The following TRPM1 variants were observed in gnomAD, a reference collection of about 807,000 sequenced individuals.
TRPM1 encodes transient receptor potential cation channel subfamily M member 1.
Under a neutral mutation model 149.4 loss-of-function variants are expected in TRPM1, and 113 were observed. The ratio of observed to expected loss-of-function variants is 0.76; its 90% confidence interval spans 0.65 to 0.88. The LOEUF is 0.88. TRPM1 is among the 40% of genes least tolerant of loss of function. The pLI, the probability that TRPM1 is intolerant of heterozygous loss-of-function variation, is 0.00. For synonymous variants in TRPM1, 741 were observed against 759.5 expected, an observed-to-expected ratio of 0.98 and a Z score of 0.40; for missense variants, 1,976 against 2,038.7, an observed-to-expected ratio of 0.97 and a Z score of 0.59.
Position 31,070,011 on chromosome 15 carries a change from T to A in TRPM1, c.279+20A>T. The A allele has an allele frequency of 6.2e-7, 1 of 1,614,212 alleles. No individual in the cohort carries two copies. Among genetic ancestry groups the A allele is most frequent in the Non-Finnish European group, 8.5e-7 (1 of 1,180,030 alleles). ...GAAAGCTGTGATCCTAGTGGCACCA[T>A]GTCTGAATGCCTTTCTCACCATGGC... On this transcript the variant is annotated intron_variant, in intron 4 of 27. Coordinates refer to ENST00000256552, the MANE Select transcript of TRPM1 (RefSeq NM_001252024.2).
At chr15:31,148,901 G>A (rs1596103046) in intron 1 of TRPM1, among the ~76,000 whole-genome samples, 1 of 152,168 alleles carries the variant, frequency 6.6e-6, no homozygotes, top group African/African-American at 2.4e-5. Flanking sequence ...GGCAGCCAGG[G>A]TGGGCACCAG....
intron 1 of TRPM1, among the ~76,000 whole-genome samples, chr15:31,086,773 G>A (rs1266403055): frequency 6.6e-6 from 1 of 152,118 alleles, no homozygotes; most frequent in Non-Finnish European, 1.5e-5. Flanking sequence ...TGTTAAAAGT[G>A]TATATATCTG....
chr15:31,064,086 C>T (rs937687999), intron 7 of TRPM1, among the ~76,000 whole-genome samples: 1 of 152,218 alleles, frequency 6.6e-6, no homozygotes, highest in African/African-American at 2.4e-5. Flanking sequence ...CACCAAATCA[C>T]CAAGAGCCTT....
chr15:31,160,766 C>T (rs2036434128), intron 1 of TRPM1: 3 of 869,238 alleles, frequency 3.5e-6, no homozygotes, highest in East Asian at 2.7e-5. Flanking sequence ...GCTCTGAACA[C>T]CCCATGCCCC....
At chr15:31,135,004 GA>G (rs141294877) in intron 1 of TRPM1, among the ~76,000 whole-genome samples, 2,242 of 146,738 alleles carry the variant, frequency 0.015, 63 homozygotes, top group African/African-American at 0.053. Flanking sequence ...ATCTCAAAAG[GA>G]AAAAAAAAAG....
intron 3 of TRPM1, among the ~76,000 whole-genome samples, chr15:31,071,334 G>T (rs72712237): frequency 0.012 from 1,900 of 152,276 alleles, 20 homozygotes; most frequent in Non-Finnish European, 0.02. Flanking sequence ...TAGCAAATGG[G>T]GTGGGAGAGC....
chr15:31,026,558 T>C (rs997857230), intron 26 of TRPM1, among the ~76,000 whole-genome samples: 2 of 152,226 alleles, frequency 1.3e-5, no homozygotes, highest in Non-Finnish European at 2.9e-5. Context: ...CACTTATTTT[T>C]ATGAATAGAG....
intron 1 of TRPM1, among the ~76,000 whole-genome samples, chr15:31,150,678 C>T (rs1328568085): frequency 1.3e-5 from 2 of 152,116 alleles, no homozygotes; most frequent in Non-Finnish European, 2.9e-5. Flanking sequence ...TCGTGATCCA[C>T]CCGCCTCAGC....
At chr15:31,017,042 C>A (rs565733354) in intron 27 of TRPM1, among the ~76,000 whole-genome samples, 9 of 151,942 alleles carry the variant, frequency 5.9e-5, no homozygotes, top group Admixed American at 5.9e-4. Context: ...TGGTGGTTCA[C>A]GCCTGTAATC....
chr15:31,021,380 T>G (rs1451367196), intron 27 of TRPM1, among the ~76,000 whole-genome samples: 1 of 152,174 alleles, frequency 6.6e-6, no homozygotes. Context: ...AGCCACAAAT[T>G]GCTGATTTCC....
At chr15:31,105,435 C>CTG (rs10525947), upstream of TRPM1, among the ~76,000 whole-genome samples, 730 of 148,670 alleles carry the variant, frequency 4.9e-3, 3 homozygotes, top group South Asian at 8.6e-3. Context: ...CTGTGTGTCT[C>CTG]TGTGTGTGTG....
intron 1 of TRPM1, among the ~76,000 whole-genome samples, chr15:31,124,145 C>T (rs1424556019): frequency 3.3e-5 from 5 of 152,080 alleles, no homozygotes; most frequent in South Asian, 2.1e-4. Context: ...GTTAGCTGGG[C>T]GTGGTGGTGC....
intron 24 of TRPM1, 93 bp from the exon 25 acceptor site, chr15:31,028,569 T>G (rs2032904408): frequency 7.2e-7 from 1 of 1,396,104 alleles, no homozygotes; most frequent in East Asian, 2.5e-5. Context: ...TATTTCTTTT[T>G]TAATATGATT....
At chr15:31,089,223 C>T (rs905127316) in intron 1 of TRPM1, among the ~76,000 whole-genome samples, 3 of 152,142 alleles carry the variant, frequency 2.0e-5, no homozygotes, top group Non-Finnish European at 2.9e-5. Flanking sequence ...ATTCTCTGAC[C>T]ATGTGGCCAG....
rs79187036 is a variant in TRPM1, at chr15:31,063,073, G to C, written c.965+45C>G. 1.8e-3 allele frequency: 2,957 copies of C among 1,612,656 alleles called. 62 individuals are homozygous for C. In the African/African-American group the frequency reaches 0.035, roughly 19 times the overall value. On this transcript the variant is annotated intron_variant, in intron 8 of 27. Transcript: ENST00000256552. ...TAGATTTTCTCCTTGGCCCGACAAA[G>C]AGGGAGTTACGAACCCGCCCTTCCT...
At chr15:31,048,018 T>G (rs1481874741) in intron 13 of TRPM1, 79 bp from the exon 14 acceptor site, 1 of 1,240,142 alleles carries the variant, frequency 8.1e-7, no homozygotes, top group African/African-American at 1.5e-5. Flanking sequence ...GTCCCAGCAC[T>G]TTGGGAGGCC....
In TRPM1 at chr15:31,002,923, G is replaced by A. The variant is rs201195793; in HGVS notation, c.3777C>T (p.Ile1259=). The A allele has an allele frequency of 1.2e-4, 192 of 1,604,600 alleles. No homozygotes were observed. The highest frequency in any genetic ancestry group is 1.6e-4 in the Non-Finnish European group (187 of 1,174,096). ...MVNALENLAG[I]DRSDLIQARS... ...GTGCCTGGATCAGGTCAGACCTGTC[G>A]ATTCCCGCAAGATTTTCAAGAGCAT... Residue 1259 remains isoleucine (I), a synonymous_variant, in exon 28 of 28, where the codon ATC becomes ATT. Transcript: ENST00000256552.
chr15:31,134,440 G>A (rs780102117), intron 1 of TRPM1, among the ~76,000 whole-genome samples: 2 of 152,152 alleles, frequency 1.3e-5, no homozygotes, highest in Non-Finnish European at 2.9e-5. Flanking sequence ...TTTTGCAAGG[G>A]AAATTTAAAT....
intron 1 of TRPM1, among the ~76,000 whole-genome samples, chr15:31,088,883 A>T (rs986555551): frequency 6.6e-6 from 1 of 151,194 alleles, no homozygotes; most frequent in Non-Finnish European, 1.5e-5. Flanking sequence ...GGCCCCCCCG[A>T]GCGGGAGATC....
Sources: gnomAD v4.1 joint callset for allele counts (sites outside exome capture counted in the v4.1 genomes callset) on GRCh38, gnomAD v4.1.1 for gene constraint, MANE v1.5 for transcripts, NCBI Gene and HGNC (gene_info 2026-07-23, HGNC 2026-07-21) for gene names.